TACC1: variants seen among roughly 807,000 people sequenced by gnomAD.
TACC1 encodes transforming acidic coiled-coil containing protein 1, also known as transforming acidic coiled-coil-containing protein 1.
In TACC1, 48 loss-of-function variants were observed where a neutral mutation model predicts 84.4. That is an observed-to-expected ratio of 0.57 (90% CI 0.45 to 0.72). The LOEUF (loss-of-function observed/expected upper bound fraction) is 0.72. Among genes scored for constraint, TACC1 ranks in the 30% least tolerant of loss-of-function variants. The probability of loss-of-function intolerance (pLI) is 0.00; values close to 1 mark genes in which losing one functional copy is unlikely to be tolerated. For missense variants in TACC1, 920 were observed against 973.0 expected (o/e 0.95, Z 0.72); for synonymous variants, 372 against 376.3 (o/e 0.99, Z 0.13).
intron 3 of TACC1, among the ~76,000 whole-genome samples, chr8:38,768,430 C>A (rs1396315551): frequency 6.6e-6 from 1 of 152,250 alleles, no homozygotes; most frequent in Non-Finnish European, 1.5e-5. Flanking sequence ...TCTCTTCACA[C>A]ACAAATGTGT....
intron 1 of TACC1, among the ~76,000 whole-genome samples, chr8:38,733,931 T>TG (rs1216710287): frequency 6.6e-6 from 1 of 152,220 alleles, no homozygotes; most frequent in Non-Finnish European, 1.5e-5. Context: ...TTTAAAATGT[T>TG]GGAATTCGGG....
intron 2 of TACC1, among the ~76,000 whole-genome samples, chr8:38,802,006 C>T (rs1821487137): frequency 6.6e-6 from 1 of 152,196 alleles, no homozygotes; most frequent in Admixed American, 6.5e-5. Flanking sequence ...CTCAACCTCC[C>T]AGGCTTAGAC....
intron 3 of TACC1, among the ~76,000 whole-genome samples, chr8:38,821,221 G>A (rs1172501425): frequency 6.6e-6 from 1 of 151,926 alleles, no homozygotes; most frequent in Non-Finnish European, 1.5e-5. Context: ...AAAAAGAATG[G>A]CATGAGATAG....
chr8:38,820,021 C>G lies in TACC1; in HGVS notation c.777C>G (p.Leu259=). ...DTNAAVEGTP[L]PKASYHFSPE... ...ACGCTGCTGTGGAGGGCACACCTCT[C>G]CCCAAGGCATCCTATCACTTCAGTC... The change falls in exon 3 of 13, where the codon CTC becomes CTG. Residue 259 remains leucine (L), a synonymous_variant. Transcript: ENST00000317827. 1 of 1,614,034 alleles carries G rather than the reference C, an allele frequency of 6.2e-7. No individual in the cohort carries two copies.
intron 2 of TACC1, among the ~76,000 whole-genome samples, chr8:38,801,238 T>A (rs1352986236): frequency 6.6e-6 from 1 of 152,232 alleles, no homozygotes; most frequent in East Asian, 1.9e-4. Context: ...TTGATAACGT[T>A]CAGTTTACTT....
intron 3 of TACC1, among the ~76,000 whole-genome samples, chr8:38,772,348 C>A (rs1563373929): frequency 6.6e-6 from 1 of 152,184 alleles, no homozygotes; most frequent in South Asian, 2.1e-4. Flanking sequence ...AATCTCACTT[C>A]TAGAATTTTA....
At chr8:38,811,760 C>A (rs762823184) in intron 2 of TACC1, among the ~76,000 whole-genome samples, 12 of 152,114 alleles carry the variant, frequency 7.9e-5, no homozygotes, top group Non-Finnish European at 1.8e-4. Flanking sequence ...AATCAGTGCA[C>A]CTTGAAAAAG....
chr8:38,730,655 C>T (rs1035314426), intron 1 of TACC1, among the ~76,000 whole-genome samples: 1 of 152,202 alleles, frequency 6.6e-6, no homozygotes, highest in Non-Finnish European at 1.5e-5. Flanking sequence ...GGGCCCCCTC[C>T]CCCTGAGTCT....
intron 3 of TACC1, among the ~76,000 whole-genome samples, chr8:38,772,022 A>G (rs1813718544): frequency 1.4e-5 from 2 of 143,264 alleles, no homozygotes; most frequent in Non-Finnish European, 3.1e-5. Flanking sequence ...TGAAAGAAAG[A>G]AAAAGAGAGA....
intron 3 of TACC1, among the ~76,000 whole-genome samples, chr8:38,772,153 T>C (rs1191567474): frequency 1.3e-5 from 2 of 152,170 alleles, no homozygotes; most frequent in African/African-American, 4.8e-5. Context: ...CAGCAGTCCT[T>C]GGTGGTGGCT....
rs1471774526 is a variant in TACC1 at position 38,851,711 on chromosome 8, G to C, written c.*3688G>C. 3.2e-6 allele frequency: 1 copy of C among 313,580 alleles called. No homozygotes were observed. Among genetic ancestry groups the C allele is most frequent in the Admixed American group, 4.1e-5 (1 of 24,626 alleles). 19.4% of individuals were successfully genotyped at this position (313,580 alleles called of 1,614,324 possible). A position where few individuals can be genotyped will look rare whatever the true frequency, so the allele number is the denominator to read the frequency against. ...CATTTCTGACTTTATCCTGTTGTTAGGAAGATAGAAACTAGGTTTTGAAAG... is the reference window on the plus strand; with the variant it reads ...CATTTCTGACTTTATCCTGTTGTTACGAAGATAGAAACTAGGTTTTGAAAG... On this transcript the variant is annotated 3_prime_UTR_variant, in exon 13 of 13. Coordinates refer to ENST00000317827, the MANE Select transcript of TACC1 (RefSeq NM_006283.3).
At chr8:38,787,832 C>A in intron 1 of TACC1, 89 bp downstream of exon 1, 1 of 1,251,236 alleles carries the variant, frequency 8.0e-7, no homozygotes, top group Non-Finnish European at 1.1e-6. Context: ...TGGTCGCCAC[C>A]CGCGAAACCG....
intron 2 of TACC1, among the ~76,000 whole-genome samples, chr8:38,790,295 C>T (rs1317577296): frequency 6.6e-6 from 1 of 152,192 alleles, no homozygotes; most frequent in East Asian, 1.9e-4. Context: ...CCAGTTTGAC[C>T]TCATCTTAAC....
chr8:38,841,947 C>T (rs1405621164), intron 9 of TACC1, among the ~76,000 whole-genome samples: 1 of 152,170 alleles, frequency 6.6e-6, no homozygotes, highest in Non-Finnish European at 1.5e-5. Flanking sequence ...CTTCCCAGCT[C>T]AGGGCCTTAC....
chr8:38,763,744 T>C (rs1204237808), intron 3 of TACC1, among the ~76,000 whole-genome samples: 2 of 152,206 alleles, frequency 1.3e-5, no homozygotes, highest in Non-Finnish European at 2.9e-5. Context: ...TATATTACTT[T>C]ACTGAATTCA....
rs768753441 is a variant in TACC1 at position 38,793,736 on chromosome 8, C to G, written c.277+4917C>G. On this transcript the variant is annotated intron_variant, in intron 2 of 12. Transcript: ENST00000317827. ...TGCTGGGATTTCAGGTTTGAACCAC[C>G]ACTGTCATCCCCATAAATAAAGTTA... Among the ~76,000 whole-genome samples the G allele has an allele frequency of 2.6e-5, 4 of 152,224 alleles. 1 individual carries two copies. In the Middle Eastern group the frequency reaches 0.01, roughly 388 times the overall value.
chr8:38,845,601 T>G lies in TACC1; in HGVS notation c.2229-1098T>G, dbSNP rs193233704. Among the ~76,000 whole-genome samples the G allele has an allele frequency of 2.2e-3, 340 of 152,344 alleles. 2 individuals carry two copies. Among genetic ancestry groups the G allele is most frequent in the Admixed American group, 0.012 (182 of 15,302 alleles). ...TAGGTCGTGGAACTATAGCATTTCT[T>G]TATTGATGGGCACTTAGTTACAAAC... On this transcript the variant is annotated intron_variant, in intron 11 of 12. Transcript: ENST00000317827.
At chr8:38,766,772 A>T (rs1319693551) in intron 3 of TACC1, among the ~76,000 whole-genome samples, 1 of 152,206 alleles carries the variant, frequency 6.6e-6, no homozygotes, top group Non-Finnish European at 1.5e-5. Context: ...GAGGCCTGGA[A>T]AAGTTGAGAA....
In TACC1 at chr8:38,781,894, G is replaced by T. The variant is rs1816062434; in HGVS notation, c.27-6810G>T. On this transcript the variant is annotated intron_variant, in intron 3 of 14. Coordinates refer to the TACC1 transcript ENST00000518415. ...CTCTAGGTATAAAACTCTCAGACTT[G>T]GAGTTGGACTTGGACAGCCCTCTTT... Among the ~76,000 whole-genome samples the T allele has an allele frequency of 2.0e-5, 3 of 151,614 alleles. 1 individual carries two copies. The South Asian group carries it at 6.2e-4, about 32-fold the overall frequency.
Sources: gnomAD v4.1 joint callset for allele counts (sites outside exome capture counted in the v4.1 genomes callset) on GRCh38, gnomAD v4.1.1 for gene constraint, MANE v1.5 for transcripts, NCBI Gene and HGNC (gene_info 2026-07-23, HGNC 2026-07-21) for gene names.